Variants in ZNF385D observed in about 807,000 individuals in gnomAD.
ZNF385D encodes the protein zinc finger protein 385D, also known as zinc finger protein 659.
Under a neutral mutation model 35.8 loss-of-function variants are expected in ZNF385D, and 15 were observed. That is an observed-to-expected ratio of 0.42 (90% CI 0.28 to 0.64). The LOEUF (loss-of-function observed/expected upper bound fraction) is 0.64. Among genes scored for constraint, ZNF385D ranks in the 30% least tolerant of loss-of-function variants. The probability of loss-of-function intolerance (pLI) is 0.23; values close to 1 mark genes in which losing one functional copy is unlikely to be tolerated. For synonymous variants in ZNF385D, 212 were observed against 186.8 expected (o/e 1.13, Z -1.10); for missense variants, 474 against 494.6 (o/e 0.96, Z 0.39).
At chr3:22,248,158 T>C (rs1395287941) in intron 2 of ZNF385D, among the ~76,000 whole-genome samples, 1 of 152,136 alleles carries the variant, frequency 6.6e-6, no homozygotes, top group African/African-American at 2.4e-5. Context: ...ACATTTTGTA[T>C]TCTAGTGTAA....
intron 3 of ZNF385D, among the ~76,000 whole-genome samples, chr3:21,547,970 A>C (rs909252441): frequency 6.6e-6 from 1 of 151,660 alleles, no homozygotes; most frequent in East Asian, 1.9e-4. Context: ...CCCTGGAGAA[A>C]CTCCAACCAG....
chr3:21,951,046 A>G (rs1482656455), intron 3 of ZNF385D, among the ~76,000 whole-genome samples: 4 of 151,564 alleles, frequency 2.6e-5, no homozygotes, highest in East Asian at 1.9e-4. Context: ...TTTGGTTCTC[A>G]TTAAACTTAA....
At chr3:21,791,223 C>T (rs1006200431) in intron 3 of ZNF385D, among the ~76,000 whole-genome samples, 1 of 152,100 alleles carries the variant, frequency 6.6e-6, no homozygotes, top group Admixed American at 6.5e-5. Context: ...TTTAATCAGT[C>T]TGCTGCAACG....
intron 1 of ZNF385D, among the ~76,000 whole-genome samples, chr3:21,679,190 G>C (rs1398007637): frequency 6.6e-6 from 1 of 152,008 alleles, no homozygotes. Context: ...AAGAATAACA[G>C]CTAAATTCCA....
At chr3:21,655,971 T>C (rs913198964) in intron 2 of ZNF385D, among the ~76,000 whole-genome samples, 2 of 152,024 alleles carry the variant, frequency 1.3e-5, no homozygotes, top group East Asian at 1.9e-4. Context: ...TGATGATCAA[T>C]ACATTTTTTT....
intron 3 of ZNF385D, among the ~76,000 whole-genome samples, chr3:21,837,335 C>T (rs1429672048): frequency 6.6e-6 from 1 of 152,052 alleles, no homozygotes; most frequent in Non-Finnish European, 1.5e-5. Context: ...TCTGCAAGGT[C>T]CTTGTGCTAA....
intron 3 of ZNF385D, among the ~76,000 whole-genome samples, chr3:21,974,326 G>A (rs1324591280): frequency 6.6e-6 from 1 of 151,968 alleles, no homozygotes; most frequent in African/African-American, 2.4e-5. Flanking sequence ...AATGGGGAAA[G>A]GACAATATCT....
At chr3:21,848,761 A>C (rs1225636032) in intron 3 of ZNF385D, among the ~76,000 whole-genome samples, 2 of 152,084 alleles carry the variant, frequency 1.3e-5, no homozygotes. Flanking sequence ...CCCAACAAAG[A>C]AAAGTCCAGG....
chr3:21,609,454 C>G (rs556988409), intron 2 of ZNF385D, among the ~76,000 whole-genome samples: 1 of 152,162 alleles, frequency 6.6e-6, no homozygotes, highest in Admixed American at 6.5e-5. Context: ...CTATCCAAAT[C>G]GGGTTTTCCA....
chr3:21,494,601 T>C (rs1312108730), intron 4 of ZNF385D, among the ~76,000 whole-genome samples: 2 of 152,154 alleles, frequency 1.3e-5, no homozygotes, highest in Non-Finnish European at 2.9e-5. Context: ...GGATTTTTTA[T>C]CTTGGTCAAT....
intron 3 of ZNF385D, among the ~76,000 whole-genome samples, chr3:21,965,652 A>G (rs1702872118): frequency 6.6e-6 from 1 of 152,192 alleles, no homozygotes; most frequent in African/African-American, 2.4e-5. Context: ...TAAAAAGGAC[A>G]TTACCAGAAC....
At chr3:22,132,249 A>G (rs1703844107) in intron 3 of ZNF385D, among the ~76,000 whole-genome samples, 2 of 152,276 alleles carry the variant, frequency 1.3e-5, no homozygotes, top group African/African-American at 4.8e-5. Flanking sequence ...AAAAGGAAAC[A>G]GACCTTTTGC....
intron 1 of ZNF385D, among the ~76,000 whole-genome samples, chr3:21,710,401 C>T (rs2068057463): frequency 6.6e-6 from 1 of 152,142 alleles, no homozygotes. Flanking sequence ...TGTGTAATTC[C>T]TAAAACCCAA....
At chr3:22,360,738 T>A (rs969584940) in intron 2 of ZNF385D, among the ~76,000 whole-genome samples, 4 of 151,994 alleles carry the variant, frequency 2.6e-5, no homozygotes, top group Non-Finnish European at 5.9e-5. Context: ...ACTCCTCTGT[T>A]CATGCTTTAA....
At position 21,662,494 on chromosome 3, in the gene ZNF385D, T is replaced by A. The variant is rs199970502; in HGVS notation, c.165+2392A>T. Among the ~76,000 whole-genome samples the A allele has an allele frequency of 5.3e-5, 8 of 152,308 alleles. No individual in the cohort carries two copies. The East Asian group carries it at 1.5e-3, about 29-fold the overall frequency. ...GGCAGTAAAAATTACGTTTTATACA[T>A]ACCGAATTTTTGGGTTTTGATTCAT... On this transcript the variant is annotated intron_variant, in intron 2 of 7. Transcript: ENST00000281523.
intron 2 of ZNF385D, among the ~76,000 whole-genome samples, chr3:22,300,188 A>T (rs1184674768): frequency 6.6e-6 from 1 of 152,010 alleles, no homozygotes; most frequent in Non-Finnish European, 1.5e-5. Context: ...AAATGTACCA[A>T]GAATGTACAA....
chr3:21,990,666 A>G (rs1695099532), intron 3 of ZNF385D, among the ~76,000 whole-genome samples: 1 of 152,220 alleles, frequency 6.6e-6, no homozygotes, highest in African/African-American at 2.4e-5. Flanking sequence ...AAAGTTATCA[A>G]TTAACTCTAA....
chr3:21,799,935 G>C (rs2072322015), intron 3 of ZNF385D, among the ~76,000 whole-genome samples: 1 of 152,122 alleles, frequency 6.6e-6, no homozygotes, highest in African/African-American at 2.4e-5. Context: ...TGAATAATGT[G>C]TGAGATAGGA....
At chr3:21,534,466 A>G (rs996303728) in intron 3 of ZNF385D, among the ~76,000 whole-genome samples, 1 of 152,054 alleles carries the variant, frequency 6.6e-6, no homozygotes, top group Non-Finnish European at 1.5e-5. Context: ...AAAAAATTGG[A>G]ACTAAACTGA....
Sources: allele counts gnomAD v4.1 joint callset (sites outside exome capture counted in the v4.1 genomes callset), GRCh38; gene constraint gnomAD v4.1.1; transcripts MANE v1.5; gene names NCBI Gene and HGNC (gene_info 2026-07-23, HGNC 2026-07-21).